The following TRIM2 variants were observed in gnomAD, a reference collection of about 807,000 sequenced individuals.
The protein encoded by TRIM2 is tripartite motif-containing protein 2.
A neutral mutation model predicts 75.2 loss-of-function variants in TRIM2; 20 were observed. That is an observed-to-expected ratio of 0.27 (90% CI 0.19 to 0.39). The LOEUF (loss-of-function observed/expected upper bound fraction) is 0.39, where lower values mean the gene tolerates loss of function less well. Among genes scored for constraint, TRIM2 ranks in the 10% least tolerant of loss-of-function variants. TRIM2 has a pLI of 1.00. For synonymous variants in TRIM2, 373 were observed against 388.3 expected, an observed-to-expected ratio of 0.96 and a Z score of 0.46; for missense variants, 660 against 990.8, an observed-to-expected ratio of 0.67 and a Z score of 4.48.
intron 6 of TRIM2, among the ~76,000 whole-genome samples, chr4:153,300,998 C>G (rs1763784806): frequency 6.6e-6 from 1 of 151,812 alleles, no homozygotes; most frequent in African/African-American, 2.4e-5. Context: ...TGAGACTAGC[C>G]TAGCCAACAT....
At chr4:153,213,013 T>G (rs1737487526) in intron 1 of TRIM2, among the ~76,000 whole-genome samples, 1 of 152,236 alleles carries the variant, frequency 6.6e-6, no homozygotes, top group South Asian at 2.1e-4. Flanking sequence ...GGAAGCTTTG[T>G]GTGCATGAGA....
chr4:153,234,136 C>T (rs990360567), intron 1 of TRIM2, among the ~76,000 whole-genome samples: 2 of 152,176 alleles, frequency 1.3e-5, no homozygotes, highest in Non-Finnish European at 2.9e-5. Context: ...TGAGTCACTG[C>T]GGAAGAGCTA....
At chr4:153,221,186 C>A (rs1739874272) in intron 1 of TRIM2, among the ~76,000 whole-genome samples, 2 of 152,126 alleles carry the variant, frequency 1.3e-5, no homozygotes, top group Non-Finnish European at 2.9e-5. Flanking sequence ...CTGACACATG[C>A]TACGTGGATT....
intron 1 of TRIM2, among the ~76,000 whole-genome samples, chr4:153,243,910 C>T (rs1377058895): frequency 1.3e-5 from 2 of 151,402 alleles, no homozygotes; most frequent in East Asian, 2.0e-4. Context: ...CCTCAACCTC[C>T]CGGGCTCAAG....
At chr4:153,174,682 CTTT>C (rs200715315) in intron 1 of TRIM2, among the ~76,000 whole-genome samples, 1,716 of 152,288 alleles carry the variant, frequency 0.011, 40 homozygotes, top group African/African-American at 0.039. Context: ...TTATGTTTCT[CTTT>C]ATTATAAAGG....
upstream of TRIM2, among the ~76,000 whole-genome samples, chr4:153,201,124 T>A (rs1734323261): frequency 6.6e-6 from 1 of 152,106 alleles, no homozygotes; most frequent in Non-Finnish European, 1.5e-5. Context: ...CCACCACGCC[T>A]GGCTAATTTT....
chr4:153,239,933 C>T (rs780362533), intron 1 of TRIM2, among the ~76,000 whole-genome samples: 11 of 150,718 alleles, frequency 7.3e-5, no homozygotes, highest in Admixed American at 6.0e-4. Context: ...GAGGCAGGCT[C>T]AAGCAATTCT....
At chr4:153,187,993 C>T (rs1397157457) in intron 1 of TRIM2, among the ~76,000 whole-genome samples, 1 of 152,130 alleles carries the variant, frequency 6.6e-6, no homozygotes, top group East Asian at 1.9e-4. Flanking sequence ...GGGAGGACCT[C>T]ACAGGCTACA....
intron 1 of TRIM2, among the ~76,000 whole-genome samples, chr4:153,194,212 A>C (rs544161976): frequency 2.2e-4 from 33 of 152,360 alleles, no homozygotes; most frequent in Non-Finnish European, 3.5e-4. Context: ...AGAAATTTGC[A>C]TTCATAATCT....
chr4:153,326,778 C>G (rs758611269), intron 10 of TRIM2, among the ~76,000 whole-genome samples: 10 of 152,094 alleles, frequency 6.6e-5, no homozygotes, highest in Admixed American at 6.5e-4. Context: ...GTCAGGAGTT[C>G]GAGACCCGCC....
intron 1 of TRIM2, among the ~76,000 whole-genome samples, chr4:153,161,589 T>C (rs1449099460): frequency 6.6e-6 from 1 of 152,228 alleles, no homozygotes; most frequent in Non-Finnish European, 1.5e-5. Flanking sequence ...CTTGGGAATA[T>C]TCTGCTCCCC....
upstream of TRIM2, among the ~76,000 whole-genome samples, chr4:153,203,103 C>CAA (rs200371158): frequency 1.3e-3 from 117 of 86,950 alleles, no homozygotes; most frequent in Non-Finnish European, 2.3e-3. Flanking sequence ...GACTCCATCT[C>CAA]AAAAAAAAAA....
intron 1 of TRIM2, among the ~76,000 whole-genome samples, chr4:153,160,482 C>T (rs72727833): frequency 0.072 from 10,921 of 152,206 alleles, 596 homozygotes; most frequent in Admixed American, 0.14. Context: ...CTGTGTTGTC[C>T]AGGCTGATCT....
chr4:153,168,417 G>C (rs1423634603), intron 1 of TRIM2, among the ~76,000 whole-genome samples: 1 of 152,068 alleles, frequency 6.6e-6, no homozygotes, highest in Non-Finnish European at 1.5e-5. Flanking sequence ...CTCTGTGGTA[G>C]GATGTTATAT....
intron 1 of TRIM2, among the ~76,000 whole-genome samples, chr4:153,238,968 A>G (rs953513758): frequency 6.6e-6 from 1 of 152,170 alleles, no homozygotes; most frequent in Non-Finnish European, 1.5e-5. Flanking sequence ...TTGGAGACGG[A>G]GCCTTTGGAA....
chr4:153,184,906 C>T (rs1351356015), intron 1 of TRIM2, among the ~76,000 whole-genome samples: 2 of 152,132 alleles, frequency 1.3e-5, no homozygotes, highest in African/African-American at 2.4e-5. Flanking sequence ...GAGACCATAC[C>T]ACTGCACTCC....
intron 1 of TRIM2, chr4:153,222,866 G>A (rs1236552630): frequency 6.5e-6 from 1 of 152,882 alleles, no homozygotes; most frequent in African/African-American, 2.4e-5. Context: ...GGGGAGGAAG[G>A]AGGAGGCGGA....
chr4:153,249,144 G>A (rs1168870811), intron 1 of TRIM2, among the ~76,000 whole-genome samples: 1 of 152,270 alleles, frequency 6.6e-6, no homozygotes, highest in African/African-American at 2.4e-5. Flanking sequence ...CTTTTACAAA[G>A]TGGTTCTATT....
At chr4:153,302,558 G>C (rs1764133802) in intron 6 of TRIM2, among the ~76,000 whole-genome samples, 2 of 152,180 alleles carry the variant, frequency 1.3e-5, no homozygotes. Flanking sequence ...GGTATCCCAG[G>C]CAAAGGGACC....
Sources: gnomAD v4.1 joint callset for allele counts (sites outside exome capture counted in the v4.1 genomes callset) on GRCh38, gnomAD v4.1.1 for gene constraint, MANE v1.5 for transcripts, NCBI Gene and HGNC (gene_info 2026-07-23, HGNC 2026-07-21) for gene names.